Variants in NDUFAF6 observed in about 807,000 individuals in gnomAD.
NDUFAF6 encodes the protein NADH dehydrogenase (ubiquinone) complex I, assembly factor 6.
Under a neutral mutation model 40.8 loss-of-function variants are expected in NDUFAF6, and 45 were observed. The observed-to-expected ratio is 1.10, with a 90% CI of 0.87 to 1.42. The LOEUF is 1.42. Ranked by LOEUF, NDUFAF6 falls within the 40% of genes most tolerant of loss-of-function variation. NDUFAF6 has a pLI of 0.00. For missense variants in NDUFAF6, 435 were observed against 418.5 expected (o/e 1.04, Z -0.34); for synonymous variants, 185 against 155.9 (o/e 1.19, Z -1.39).
intron 1 of NDUFAF6, 89 bp from the exon 2 acceptor site, chr8:95,031,906 C>G: frequency 1.5e-6 from 2 of 1,323,814 alleles, no homozygotes; most frequent in Non-Finnish European, 2.2e-6. Flanking sequence ...CAACTTGAAG[C>G]CTTTTTGTTT....
intron 2 of NDUFAF6, among the ~76,000 whole-genome samples, chr8:95,102,091 G>A (rs369522244): frequency 5.3e-5 from 8 of 152,138 alleles, no homozygotes; most frequent in Admixed American, 1.3e-4. Context: ...TCCACCTCCC[G>A]GGTTCAAGTG....
chr8:95,098,678 C>CA (rs1038205467), upstream of NDUFAF6, among the ~76,000 whole-genome samples: 16 of 150,598 alleles, frequency 1.1e-4, no homozygotes, highest in Admixed American at 4.6e-4. Context: ...CTCAAACAAA[C>CA]AAAAAAACTA....
At chr8:94,935,669 G>C (rs1488200349) in intron 1 of NDUFAF6, among the ~76,000 whole-genome samples, 3 of 152,116 alleles carry the variant, frequency 2.0e-5, no homozygotes, top group African/African-American at 7.2e-5. Flanking sequence ...GGGACTCCTT[G>C]GTATGGGAGC....
chr8:95,089,331 C>T (rs1336896789), intron 2 of NDUFAF6, among the ~76,000 whole-genome samples: 1 of 152,162 alleles, frequency 6.6e-6, no homozygotes, highest in Non-Finnish European at 1.5e-5. Context: ...CCTCCGCCTC[C>T]CATAGTGCTG....
upstream of NDUFAF6, among the ~76,000 whole-genome samples, chr8:94,954,268 G>A (rs538765006): frequency 6.6e-6 from 1 of 152,026 alleles, no homozygotes; most frequent in East Asian, 1.9e-4. Context: ...TCACCATGTT[G>A]GCCAGGATGG....
Position 95,026,239 on chromosome 8 carries a change from C to G in NDUFAF6, c.197+1034C>G, listed in dbSNP as rs572535563. On this transcript the variant is annotated intron_variant, in intron 1 of 8. Coordinates refer to ENST00000396124, the MANE Select transcript of NDUFAF6 (RefSeq NM_152416.4). ...TCTCCGCACTTTAGGAGGCTGAGAC[C>G]GGTGGGTTGTTTGAGCCCAGGTGTC... is the stretch of plus-strand genomic sequence containing the variant. 3.3e-5 allele frequency among the ~76,000 whole-genome samples: 5 copies of G among 152,174 alleles called. No homozygotes were observed. In the East Asian group the frequency reaches 7.7e-4, roughly 24 times the overall value.
downstream of NDUFAF6, chr8:95,078,536 C>T (rs1294439493): frequency 6.6e-6 from 1 of 151,792 alleles, no homozygotes; most frequent in African/African-American, 2.4e-5. Context: ...GTCCCAGCTA[C>T]TCCGGAGGCT....
At chr8:94,992,643 A>G (rs1826246477) in intron 2 of NDUFAF6, among the ~76,000 whole-genome samples, 1 of 152,190 alleles carries the variant, frequency 6.6e-6, no homozygotes, top group Non-Finnish European at 1.5e-5. Flanking sequence ...TGGTGTGTCA[A>G]TTAATAATTG....
chr8:94,984,254 AAGC>A (rs1461182714), intron 2 of NDUFAF6: 1 of 152,234 alleles, frequency 6.6e-6, no homozygotes, highest in Non-Finnish European at 1.5e-5. Flanking sequence ...TAATTTTGAG[AAGC>A]AGTTTAAAAA....
intron 2 of NDUFAF6, among the ~76,000 whole-genome samples, chr8:95,094,190 TTGAAC>T (rs2132067826): frequency 6.6e-6 from 1 of 152,316 alleles, no homozygotes; most frequent in South Asian, 2.1e-4. Context: ...CAGACTGGGC[TTGAAC>T]TCCTGACCTC....
chr8:95,018,248 G>T (rs1394515778), intron 2 of NDUFAF6, among the ~76,000 whole-genome samples: 4 of 151,264 alleles, frequency 2.6e-5, no homozygotes, highest in Admixed American at 2.6e-4. Context: ...TGTTGCCCAG[G>T]CTGGTCTTGA....
At chr8:95,072,576 T>G (rs1366784116) in intron 9 of NDUFAF6, 4 of 152,450 alleles carry the variant, frequency 2.6e-5, no homozygotes, top group Admixed American at 1.3e-4. Context: ...CAGCATTTTC[T>G]TCTGAAGCAA....
rs866916277 is a variant in NDUFAF6 at position 95,070,886 on chromosome 8, C to T, written c.*512-4747C>T. Among the ~76,000 whole-genome samples the T allele has an allele frequency of 2.6e-5, 4 of 152,056 alleles. No homozygotes were observed. In the South Asian group the frequency reaches 6.2e-4, roughly 24 times the overall value. ...ATCTCCCATGATTTTTTTCCTATTC[C>T]CCTCCCCTCCCCGAGTCATCTGCCC... On this transcript the variant is annotated intron_variant and NMD_transcript_variant, in intron 9 of 9. Transcript: ENST00000520757.
chr8:94,991,499 A>G (rs1826189675), intron 2 of NDUFAF6, among the ~76,000 whole-genome samples: 1 of 152,134 alleles, frequency 6.6e-6, no homozygotes, highest in African/African-American at 2.4e-5. Context: ...TAAAATGGGG[A>G]TAATAATAAT....
At chr8:95,098,783 C>A (rs1020702507), upstream of NDUFAF6, among the ~76,000 whole-genome samples, 2 of 151,720 alleles carry the variant, frequency 1.3e-5, no homozygotes, top group Non-Finnish European at 2.9e-5. Flanking sequence ...ATTAGCTGGG[C>A]GTGTGGCACG....
chr8:94,928,512 G>A lies in NDUFAF6; in HGVS notation c.-935-16971G>A, dbSNP rs879115505. 3.3e-5 allele frequency: 5 copies of A among 152,516 alleles called. No homozygotes were observed. In the South Asian group the frequency reaches 8.3e-4, roughly 25 times the overall value. The allele number at this position is 152,516 out of a possible 1,614,324, so 9.4% of individuals were successfully genotyped here. ...CAACTCTGGTAAACACAAATAGTAA[G>A]AGAAAACAACTTCTAACTCACTTTG... On this transcript the variant is annotated intron_variant, in intron 1 of 14. Coordinates refer to the NDUFAF6 transcript ENST00000396113.
At chr8:95,044,867 G>C (rs1005192843) in intron 4 of NDUFAF6, among the ~76,000 whole-genome samples, 1 of 151,640 alleles carries the variant, frequency 6.6e-6, no homozygotes, top group African/African-American at 2.4e-5. Flanking sequence ...AATAGTCTTT[G>C]TAAAAGTGGC....
chr8:95,064,080 C>A (rs866081591), intron 9 of NDUFAF6, among the ~76,000 whole-genome samples: 2 of 122,448 alleles, frequency 1.6e-5, no homozygotes, highest in South Asian at 5.2e-4. Flanking sequence ...TTACTAGAGA[C>A]AGGGTTTCAC....
At chr8:94,956,406 A>G (rs1170096738), upstream of NDUFAF6, among the ~76,000 whole-genome samples, 1 of 152,198 alleles carries the variant, frequency 6.6e-6, no homozygotes, top group African/African-American at 2.4e-5. Context: ...CAGAAGGAAC[A>G]GTGAGTGTGA....
Sources: gnomAD v4.1 joint callset for allele counts (sites outside exome capture counted in the v4.1 genomes callset) on GRCh38, gnomAD v4.1.1 for gene constraint, MANE v1.5 for transcripts, NCBI Gene and HGNC (gene_info 2026-07-23, HGNC 2026-07-21) for gene names.